KIAA0825: variants seen among roughly 807,000 people sequenced by gnomAD.
KIAA0825 encodes the protein KIAA0825.
Under a neutral mutation model 147.6 loss-of-function variants are expected in KIAA0825, and 119 were observed. The ratio of observed to expected loss-of-function variants is 0.81; its 90% CI spans 0.69 to 0.94. The LOEUF is 0.94. Ranked by LOEUF, KIAA0825 falls within the 40% of genes least tolerant of loss-of-function variation. KIAA0825 has a pLI of 0.00. For missense variants in KIAA0825, 1,381 were observed against 1,472.7 expected (o/e 0.94, Z 1.02); for synonymous variants, 470 against 518.1 (o/e 0.91, Z 1.26).
intron 20 of KIAA0825, among the ~76,000 whole-genome samples, chr5:94,375,575 A>G (rs1435489086): frequency 6.6e-6 from 1 of 152,128 alleles, no homozygotes; most frequent in Non-Finnish European, 1.5e-5. Flanking sequence ...TCCATAGTCA[A>G]TTTCTCAAAT....
At chr5:94,416,894 A>G (rs529810814) in intron 15 of KIAA0825, 1 of 229,128 alleles carries the variant, frequency 4.4e-6, no homozygotes, top group South Asian at 7.6e-5. Context: ...TTATATGCTC[A>G]ATAGCAAAAC....
chr5:94,346,974 T>C (rs185808846), intron 20 of KIAA0825, among the ~76,000 whole-genome samples: 73 of 152,232 alleles, frequency 4.8e-4, no homozygotes, highest in African/African-American at 1.6e-3. Context: ...TGTCGGGTCA[T>C]GATGGGAGTG....
intron 2 of KIAA0825, among the ~76,000 whole-genome samples, chr5:94,541,753 G>T (rs1374232026): frequency 2.0e-5 from 3 of 152,164 alleles, no homozygotes; most frequent in African/African-American, 7.2e-5. Flanking sequence ...TGTCTGTAAG[G>T]TTTTATTAAG....
intron 20 of KIAA0825, among the ~76,000 whole-genome samples, chr5:94,303,807 A>G (rs556119642): frequency 1.3e-5 from 2 of 152,192 alleles, no homozygotes; most frequent in Middle Eastern, 6.8e-3. Context: ...ACCACTATTC[A>G]TCCTGTCCCT....
At chr5:94,260,650 G>T (rs1470533536) in intron 20 of KIAA0825, among the ~76,000 whole-genome samples, 2 of 152,150 alleles carry the variant, frequency 1.3e-5, no homozygotes, top group Non-Finnish European at 2.9e-5. Context: ...AGTTAATTTG[G>T]TCTCTGCTGC....
At chr5:94,464,750 T>C in intron 11 of KIAA0825, 119 bp downstream of exon 11, 1 of 820,932 alleles carries the variant, frequency 1.2e-6, no homozygotes, top group Non-Finnish European at 1.8e-6. Context: ...ATGATTTCTT[T>C]TCAGATGTTA....
intron 20 of KIAA0825, among the ~76,000 whole-genome samples, chr5:94,159,115 T>C (rs1277879529): frequency 6.6e-6 from 1 of 152,154 alleles, no homozygotes; most frequent in Non-Finnish European, 1.5e-5. Context: ...ATGGTCCCAA[T>C]ACAGTTGTTG....
intron 5 of KIAA0825, among the ~76,000 whole-genome samples, chr5:94,502,846 C>T (rs575476926): frequency 5.3e-5 from 8 of 152,020 alleles, no homozygotes; most frequent in Non-Finnish European, 7.4e-5. Context: ...CGGTGGCTCA[C>T]GCCTACAATC....
chr5:94,468,204 C>A (rs1760788860), intron 10 of KIAA0825, among the ~76,000 whole-genome samples: 1 of 152,170 alleles, frequency 6.6e-6, no homozygotes, highest in Admixed American at 6.5e-5. Flanking sequence ...ATAACAGGTT[C>A]TCAATGCATC....
At chr5:94,530,671 G>C (rs1170292879) in intron 3 of KIAA0825, among the ~76,000 whole-genome samples, 2 of 152,274 alleles carry the variant, frequency 1.3e-5, no homozygotes, top group East Asian at 3.9e-4. Context: ...TGACAGGCTT[G>C]GATTCAATCT....
At chr5:94,587,174 T>C (rs1783465858) in intron 1 of KIAA0825, among the ~76,000 whole-genome samples, 2 of 152,098 alleles carry the variant, frequency 1.3e-5, no homozygotes, top group Admixed American at 1.3e-4. Flanking sequence ...TTCAACATAG[T>C]ATTGGAAGTT....
At chr5:94,283,760 C>A (rs1170848666) in intron 20 of KIAA0825, among the ~76,000 whole-genome samples, 1 of 152,094 alleles carries the variant, frequency 6.6e-6, no homozygotes, top group Non-Finnish European at 1.5e-5. Flanking sequence ...TAAAAAATAA[C>A]CTCATGTATA....
chr5:94,564,487 A>G, intron 2 of KIAA0825, among the ~76,000 whole-genome samples: 2 of 70,420 alleles, frequency 2.8e-5, no homozygotes, highest in African/African-American at 1.5e-4. Context: ...TGTGTGTGTG[A>G]TGGAGATGAG....
At chr5:94,190,689 T>C (rs1224354949) in intron 20 of KIAA0825, among the ~76,000 whole-genome samples, 1 of 152,048 alleles carries the variant, frequency 6.6e-6, no homozygotes, top group Non-Finnish European at 1.5e-5. Flanking sequence ...CAAACATTTT[T>C]CTACATCTAT....
At chr5:94,602,062 T>C (rs1052040408) in intron 1 of KIAA0825, among the ~76,000 whole-genome samples, 2 of 152,104 alleles carry the variant, frequency 1.3e-5, no homozygotes, top group African/African-American at 4.8e-5. Flanking sequence ...AGATATTCCA[T>C]GAGAAGGCTG....
In KIAA0825 at chr5:94,152,360, G is replaced by A. The variant is rs1766561861; in HGVS notation, c.*1647C>T. Among the ~76,000 whole-genome samples, 1 of 152,104 alleles carries A rather than the reference G, an allele frequency of 6.6e-6. No individual in the cohort carries two copies. Among genetic ancestry groups the A allele is most frequent in the Non-Finnish European group, 1.5e-5 (1 of 68,010 alleles). ...ATCTGAGAACATCAGAAAACATGAAGTTTGATGTCATATGGTCTAAAATAG... is the reference window on the plus strand; with the variant it reads ...ATCTGAGAACATCAGAAAACATGAAATTTGATGTCATATGGTCTAAAATAG... On this transcript the variant is annotated 3_prime_UTR_variant, in exon 21 of 21. Coordinates refer to ENST00000682413, the MANE Select transcript of KIAA0825 (RefSeq NM_001145678.3).
chr5:94,514,640 A>G (rs1292861494), intron 5 of KIAA0825, among the ~76,000 whole-genome samples: 1 of 152,248 alleles, frequency 6.6e-6, no homozygotes, highest in African/African-American at 2.4e-5. Flanking sequence ...GACAATATCC[A>G]ACTTTCCAGA....
intron 1 of KIAA0825, among the ~76,000 whole-genome samples, chr5:94,604,433 C>T (rs1787097817): frequency 6.6e-6 from 1 of 152,120 alleles, no homozygotes; most frequent in African/African-American, 2.4e-5. Flanking sequence ...GTGATGGGCA[C>T]CTTTAATCCT....
rs545566540 is a variant in KIAA0825, at chr5:94,562,153, T to C, written c.-2+20280A>G. ...CTCTCTAGTTTTAAAATTCTATGATTTAATCATGTGATCTACTTCTTTAAT... is the reference window on the plus strand; with the variant it reads ...CTCTCTAGTTTTAAAATTCTATGATCTAATCATGTGATCTACTTCTTTAAT... On this transcript the variant is annotated intron_variant, in intron 2 of 20. Coordinates refer to ENST00000682413, the MANE Select transcript of KIAA0825 (RefSeq NM_001145678.3). 2.6e-5 allele frequency among the ~76,000 whole-genome samples: 4 copies of C among 152,316 alleles called. No homozygotes were observed. In the East Asian group the frequency reaches 7.7e-4, roughly 29 times the overall value.
Sources: gnomAD v4.1 joint callset for allele counts (sites outside exome capture counted in the v4.1 genomes callset) on GRCh38, gnomAD v4.1.1 for gene constraint, MANE v1.5 for transcripts, NCBI Gene and HGNC (gene_info 2026-07-23, HGNC 2026-07-21) for gene names.